The following AGMO variants were observed in gnomAD, a reference collection of about 807,000 sequenced individuals.
The protein encoded by AGMO is glyceryl-ether monooxygenase.
A neutral mutation model predicts 60.2 loss-of-function variants in AGMO; 75 were observed. That is an observed-to-expected ratio of 1.25 (90% confidence interval 1.03 to 1.51). The LOEUF is 1.51. Ranked by LOEUF, AGMO falls within the 40% of genes most tolerant of loss-of-function variation. The pLI is 0.00. For missense variants in AGMO, 763 were observed against 525.5 expected (o/e 1.45, Z -4.42); for synonymous variants, 261 against 177.1 (o/e 1.47, Z -3.76).
chr7:15,524,268 T>G (rs1448175545), intron 3 of AGMO, among the ~76,000 whole-genome samples: 1 of 151,986 alleles, frequency 6.6e-6, no homozygotes, highest in African/African-American at 2.4e-5. Flanking sequence ...CTCTGTCCAC[T>G]AGGAGGAACA....
chr7:15,255,808 A>G (rs1031640551), intron 12 of AGMO, among the ~76,000 whole-genome samples: 3 of 152,200 alleles, frequency 2.0e-5, no homozygotes, highest in Admixed American at 2.0e-4. Flanking sequence ...TTAGGTAGGT[A>G]GGTACAGAAA....
At chr7:15,312,051 G>T (rs907781193) in intron 12 of AGMO, among the ~76,000 whole-genome samples, 1 of 151,792 alleles carries the variant, frequency 6.6e-6, no homozygotes, top group African/African-American at 2.4e-5. Flanking sequence ...GAAAAAAATA[G>T]ATGAAAAATG....
chr7:15,161,762 C>T, the AGMO span, among the ~76,000 whole-genome samples: 35 of 151,992 alleles, frequency 2.3e-4, no homozygotes, highest in African/African-American at 8.4e-4. Context: ...CACGCACACC[C>T]TATTGGTTCT....
At position 15,354,311 on chromosome 7, in the gene AGMO, C is replaced by CATGCGTGTATATACGT. The variant is rs1178176628; in HGVS notation, c.1263+11202_1263+11203insACGTATATACACGCAT. Among the ~76,000 whole-genome samples, 32 of 84,826 alleles carry CATGCGTGTATATACGT rather than the reference C, an allele frequency of 3.8e-4. 5 individuals carry two copies. The highest frequency in any genetic ancestry group is 2.0e-3 in the African/African-American group (32 of 16,064). The allele number at this position is 84,826 out of a possible 152,430, so 55.6% of individuals were successfully genotyped here. On this transcript the variant is annotated intron_variant, in intron 12 of 12. Transcript: ENST00000342526. The stretch of plus-strand genomic sequence containing the variant: ...TGAGATAAATATATATACGTGTATA[C>CATGCGTGTATATACGT]ACGCGTGTATATACGTACGCGTGTA...
intron 3 of AGMO, among the ~76,000 whole-genome samples, chr7:15,512,779 A>G (rs1309223169): frequency 6.6e-6 from 1 of 152,272 alleles, no homozygotes; most frequent in Non-Finnish European, 1.5e-5. Flanking sequence ...CATTGGCTCC[A>G]AGTACTATTC....
At chr7:15,486,501 T>C (rs1181421844) in intron 3 of AGMO, among the ~76,000 whole-genome samples, 2 of 152,024 alleles carry the variant, frequency 1.3e-5, no homozygotes, top group African/African-American at 4.8e-5. Flanking sequence ...TCCTGAATAA[T>C]TACATAAGAG....
intron 3 of AGMO, among the ~76,000 whole-genome samples, chr7:15,510,121 T>C (rs1190325807): frequency 1.3e-5 from 2 of 152,160 alleles, no homozygotes; most frequent in South Asian, 4.1e-4. Flanking sequence ...ACCATGTTAA[T>C]TGCAGCATTA....
intron 12 of AGMO, among the ~76,000 whole-genome samples, chr7:15,267,171 T>A (rs1033731813): frequency 6.6e-6 from 1 of 151,970 alleles, no homozygotes; most frequent in Non-Finnish European, 1.5e-5. Context: ...TTGCAAAAAA[T>A]TGGCAGAGAT....
At chr7:15,255,159 G>C (rs375978661) in intron 12 of AGMO, among the ~76,000 whole-genome samples, 5 of 152,224 alleles carry the variant, frequency 3.3e-5, no homozygotes, top group African/African-American at 9.6e-5. Flanking sequence ...GCTGACCAGT[G>C]TGAACATATG....
chr7:15,287,779 G>A (rs1259149356), intron 12 of AGMO, among the ~76,000 whole-genome samples: 1 of 129,570 alleles, frequency 7.7e-6, no homozygotes, highest in African/African-American at 2.5e-5. Flanking sequence ...TTTTAACGTA[G>A]CTAAATTTTT....
intron 12 of AGMO, among the ~76,000 whole-genome samples, chr7:15,258,273 G>GT (rs1184049700): frequency 2.6e-5 from 4 of 152,020 alleles, no homozygotes; most frequent in Non-Finnish European, 5.9e-5. Flanking sequence ...AAAGATAATT[G>GT]TTTTTTAATT....
the AGMO span, among the ~76,000 whole-genome samples, chr7:15,186,852 C>A: frequency 1.3e-5 from 2 of 152,114 alleles, no homozygotes; most frequent in East Asian, 3.9e-4. Flanking sequence ...GTTTCTCCCA[C>A]ACAGTGGAAA....
chr7:15,206,700 T>G (rs1461083226), intron 12 of AGMO, among the ~76,000 whole-genome samples: 1 of 152,202 alleles, frequency 6.6e-6, no homozygotes, highest in East Asian at 1.9e-4. Context: ...GTTGCACACC[T>G]TATTGAAAAG....
intron 12 of AGMO, among the ~76,000 whole-genome samples, chr7:15,290,704 A>AT (rs1398878335): frequency 6.6e-6 from 1 of 152,184 alleles, no homozygotes; most frequent in African/African-American, 2.4e-5. Context: ...GATAGGTCAC[A>AT]TATACCCACA....
intron 12 of AGMO, among the ~76,000 whole-genome samples, chr7:15,226,150 C>T (rs955742348): frequency 2.0e-5 from 3 of 151,966 alleles, no homozygotes; most frequent in Admixed American, 6.6e-5. Flanking sequence ...AAAATCTTAT[C>T]AAACCTGAGC....
chr7:15,524,553 C>T (rs1256137914), intron 3 of AGMO, among the ~76,000 whole-genome samples: 1 of 152,032 alleles, frequency 6.6e-6, no homozygotes, highest in African/African-American at 2.4e-5. Flanking sequence ...GGATATGCAA[C>T]CATATTTTTC....
chr7:15,335,927 C>G (rs1781644982), intron 12 of AGMO, among the ~76,000 whole-genome samples: 1 of 152,052 alleles, frequency 6.6e-6, no homozygotes, highest in Non-Finnish European at 1.5e-5. Flanking sequence ...TAAAACTAAT[C>G]CAGAGAGAAA....
At chr7:15,246,072 C>T (rs1169037047) in intron 12 of AGMO, among the ~76,000 whole-genome samples, 1 of 152,098 alleles carries the variant, frequency 6.6e-6, no homozygotes, top group African/African-American at 2.4e-5. Context: ...GATTAAATGG[C>T]TCCTCTGTTT....
At chr7:15,391,374 T>A (rs1227444785) in intron 6 of AGMO, among the ~76,000 whole-genome samples, 1 of 152,120 alleles carries the variant, frequency 6.6e-6, no homozygotes, top group Non-Finnish European at 1.5e-5. Context: ...CTAGTTTTTT[T>A]AAGATCATAA....
Sources: gnomAD v4.1 joint callset for allele counts (sites outside exome capture counted in the v4.1 genomes callset) on GRCh38, gnomAD v4.1.1 for gene constraint, MANE v1.5 for transcripts, NCBI Gene and HGNC (gene_info 2026-07-23, HGNC 2026-07-21) for gene names.